RAP1GAP2: variants seen among roughly 807,000 people sequenced by gnomAD.
RAP1GAP2 encodes the protein rap1 GTPase-activating protein 2.
RAP1GAP2 carries 27 observed loss-of-function variants against 95.0 expected under a neutral mutation model. The observed-to-expected ratio is 0.28, with a 90% CI of 0.21 to 0.39. The LOEUF (loss-of-function observed/expected upper bound fraction) is 0.39, where lower values mean the gene tolerates loss of function less well. Ranked by LOEUF, RAP1GAP2 falls within the 10% of genes least tolerant of loss-of-function variation. The pLI, the probability that RAP1GAP2 is intolerant of heterozygous loss-of-function variation, is 1.00. For synonymous variants in RAP1GAP2, 373 were observed against 380.9 expected (o/e 0.98, Z 0.24); for missense variants, 771 against 970.0 (o/e 0.79, Z 2.72).
intron 2 of RAP1GAP2, 66 bp from the exon 3 acceptor site, chr17:2,905,218 C>A: frequency 2.1e-6 from 3 of 1,446,836 alleles, no homozygotes; most frequent in South Asian, 2.4e-5. Flanking sequence ...AGAGCCCAGT[C>A]ACTCTTGGAG....
intron 2 of RAP1GAP2, among the ~76,000 whole-genome samples, chr17:2,874,097 C>T (rs547559276): frequency 1.5e-4 from 23 of 152,304 alleles, no homozygotes; most frequent in African/African-American, 5.3e-4. Flanking sequence ...TTTTCTAGCT[C>T]TCTGACTGTG....
At chr17:2,956,366 A>G (rs1451526369) in intron 3 of RAP1GAP2, among the ~76,000 whole-genome samples, 3 of 152,140 alleles carry the variant, frequency 2.0e-5, no homozygotes, top group Non-Finnish European at 2.9e-5. Context: ...GGTTGTCTGG[A>G]GTCAACAGCA....
intron 11 of RAP1GAP2, among the ~76,000 whole-genome samples, chr17:2,990,212 T>A (rs1318805221): frequency 1.3e-5 from 2 of 152,220 alleles, no homozygotes; most frequent in South Asian, 4.1e-4. Context: ...ATGCATACAT[T>A]TTCTGTGGAC....
At position 2,802,407 on chromosome 17, in the gene RAP1GAP2, T is replaced by C. The variant is rs117829337; in HGVS notation, c.80+1857T>C. ...CTGCCCTTCAAGAGCTTTCAGTTTC[T>C]CTGTTGAGCTGATGCCAGGAAGCTG... On this transcript the variant is annotated intron_variant, in intron 2 of 24. Coordinates refer to ENST00000254695, the MANE Select transcript of RAP1GAP2 (RefSeq NM_015085.5). Among the ~76,000 whole-genome samples the C allele has an allele frequency of 4.0e-3, 603 of 152,320 alleles. 6 individuals carry two copies. Among genetic ancestry groups the C allele is most frequent in the East Asian group, 0.013 (65 of 5,182 alleles).
At chr17:3,032,533 C>A in intron 24 of RAP1GAP2, 84 bp downstream of exon 24, 1 of 1,365,064 alleles carries the variant, frequency 7.3e-7, no homozygotes, top group African/African-American at 1.4e-5. Flanking sequence ...CTTGTAACCT[C>A]AGAATGGCCG....
chr17:2,977,557 C>T (rs1296326477), intron 8 of RAP1GAP2, among the ~76,000 whole-genome samples: 1 of 151,804 alleles, frequency 6.6e-6, no homozygotes, highest in East Asian at 1.9e-4. Flanking sequence ...CCAGCCTGGC[C>T]AACATGGTGA....
intron 5 of RAP1GAP2, 144 bp downstream of exon 5, chr17:2,962,858 T>C: frequency 1.3e-6 from 1 of 773,518 alleles, no homozygotes; most frequent in Non-Finnish European, 2.0e-6. Flanking sequence ...GCTTCACGAC[T>C]GCCTTGTTAG....
chr17:3,013,493 C>G (rs185137864), intron 17 of RAP1GAP2, among the ~76,000 whole-genome samples: 1 of 152,122 alleles, frequency 6.6e-6, no homozygotes, highest in South Asian at 2.1e-4. Flanking sequence ...ACAGAAGACC[C>G]GGTGCTGACT....
intron 16 of RAP1GAP2, 79 bp downstream of exon 16, chr17:3,006,120 C>CTTTTT (rs537126167): frequency 4.4e-5 from 18 of 409,912 alleles, no homozygotes; most frequent in African/African-American, 1.4e-4. Flanking sequence ...GCTCCTCCAT[C>CTTTTT]TTTTTTTTTT....
At chr17:2,773,948 G>A (rs912678673), upstream of RAP1GAP2, among the ~76,000 whole-genome samples, 4 of 151,970 alleles carry the variant, frequency 2.6e-5, no homozygotes, top group Non-Finnish European at 5.9e-5. Context: ...AGTAGAGAAG[G>A]GGTTTCACCA....
chr17:2,764,433 A>G (rs1192576691), intron 1 of RAP1GAP2, among the ~76,000 whole-genome samples: 3 of 150,546 alleles, frequency 2.0e-5, no homozygotes, highest in African/African-American at 7.4e-5. Context: ...CAAAAAATAA[A>G]AATAGAAGGC....
chr17:2,879,935 A>C (rs1278171598), intron 2 of RAP1GAP2, among the ~76,000 whole-genome samples: 1 of 151,804 alleles, frequency 6.6e-6, no homozygotes, highest in Admixed American at 6.6e-5. Flanking sequence ...CTCCCAAGAG[A>C]CCGCAGGGTC....
chr17:2,999,409 A>G (rs534951140), intron 14 of RAP1GAP2, among the ~76,000 whole-genome samples: 11 of 152,342 alleles, frequency 7.2e-5, no homozygotes, highest in African/African-American at 2.4e-4. Flanking sequence ...ATTCCTGAAA[A>G]GAGAGGCCAT....
In RAP1GAP2 at chr17:3,029,085, A is replaced by G. The variant is rs1597912622; in HGVS notation, c.2108-1837A>G. Among the ~76,000 whole-genome samples the G allele has an allele frequency of 6.6e-6, 1 of 152,310 alleles. No homozygotes were observed. Among genetic ancestry groups the G allele is most frequent in the African/African-American group, 2.4e-5 (1 of 41,570 alleles). The stretch of plus-strand genomic sequence containing the variant: ...AGTGCTGGGATTACAGGCGTGAGCC[A>G]CCGCGCCTGACCTGGTGTTTTTGTT... On this transcript the variant is annotated intron_variant, in intron 22 of 24. Transcript: ENST00000254695. This position sits in a 1 kb window ranked among gnomAD's most constrained non-coding sequence, Gnocchi z 4.4.
chr17:2,773,593 G>A (rs1183733797), upstream of RAP1GAP2, among the ~76,000 whole-genome samples: 1 of 152,008 alleles, frequency 6.6e-6, no homozygotes, highest in Non-Finnish European at 1.5e-5. Flanking sequence ...AGGAACCTGG[G>A]TACCATTCCA....
chr17:3,026,923 T>C (rs777641104), intron 21 of RAP1GAP2, 21 bp from the exon 22 acceptor site: 4 of 1,547,020 alleles, frequency 2.6e-6, no homozygotes, highest in Non-Finnish European at 3.5e-6. Context: ...CTGGCCTCGC[T>C]CACCCTGCCT....
intron 2 of RAP1GAP2, among the ~76,000 whole-genome samples, chr17:2,822,123 C>T (rs2070331443): frequency 6.6e-6 from 1 of 152,174 alleles, no homozygotes; most frequent in African/African-American, 2.4e-5. Flanking sequence ...TGCCCAATCC[C>T]ATGGTCAGCA....
At chr17:2,885,284 G>A (rs1407179199) in intron 2 of RAP1GAP2, among the ~76,000 whole-genome samples, 2 of 152,038 alleles carry the variant, frequency 1.3e-5, no homozygotes, top group African/African-American at 2.4e-5. Context: ...CACCCGCCTC[G>A]GCCTCCCAAA....
intron 3 of RAP1GAP2, among the ~76,000 whole-genome samples, chr17:2,940,216 C>T (rs1292808857): frequency 6.6e-6 from 1 of 152,082 alleles, no homozygotes; most frequent in African/African-American, 2.4e-5. Context: ...TGGAAGCCAC[C>T]CTTCACTCAG....
Sources: gnomAD v4.1 joint callset for allele counts (sites outside exome capture counted in the v4.1 genomes callset) on GRCh38, gnomAD v4.1.1 for gene constraint, Gnocchi (gnomAD v3.1) non-coding constraint, MANE v1.5 for transcripts, NCBI Gene and HGNC (gene_info 2026-07-23, HGNC 2026-07-21) for gene names.